The following ARHGEF10L variants were observed in gnomAD, a reference collection of about 807,000 sequenced individuals.
ARHGEF10L encodes Rho guanine nucleotide exchange factor 10 like.
ARHGEF10L carries 69 observed loss-of-function variants against 141.2 expected under a neutral mutation model. The ratio of observed to expected loss-of-function variants is 0.49; its 90% CI spans 0.40 to 0.60. The LOEUF (loss-of-function observed/expected upper bound fraction) is 0.60. ARHGEF10L is among the 20% of genes least tolerant of loss of function. ARHGEF10L has a pLI of 0.00. For missense variants in ARHGEF10L, 1,482 were observed against 1,734.3 expected (o/e 0.85, Z 2.58); for synonymous variants, 711 against 718.5 (o/e 0.99, Z 0.17).
intron 2 of ARHGEF10L, among the ~76,000 whole-genome samples, chr1:17,580,957 G>A (rs12146120): frequency 1.6e-4 from 25 of 152,218 alleles, no homozygotes; most frequent in African/African-American, 4.8e-4. Context: ...AGAGGGTTGC[G>A]CCATAGGGTC....
At chr1:17,574,937 C>T (rs2078161124) in intron 1 of ARHGEF10L, among the ~76,000 whole-genome samples, 2 of 152,234 alleles carry the variant, frequency 1.3e-5, no homozygotes, top group Admixed American at 1.3e-4. Context: ...AGGGCTTGTA[C>T]CTCACCTTCC....
rs2061191181 is a variant in ARHGEF10L at position 17,639,250 on chromosome 1, AG to A, written c.2171+563del. On this transcript the variant is annotated intron_variant, in intron 20 of 28. Coordinates refer to ENST00000361221, the MANE Select transcript of ARHGEF10L (RefSeq NM_018125.4). The surrounding 1 kb of genome is among the most constrained non-coding windows in gnomAD (Gnocchi z 4.3). Reference sequence around the variant, plus strand: ...TTCCATTTTACAGATGAGGAAGGTGAGGCTCAGAGTTTCAGGAGAGGCTGAA... The same window carrying A: ...TTCCATTTTACAGATGAGGAAGGTGAGCTCAGAGTTTCAGGAGAGGCTGAA... Among the ~76,000 whole-genome samples, 1 of 152,200 alleles carries A rather than the reference AG, an allele frequency of 6.6e-6. No individual in the cohort carries two copies. The highest frequency in any genetic ancestry group is 2.1e-4 in the South Asian group (1 of 4,830).
the ARHGEF10L span, among the ~76,000 whole-genome samples, chr1:17,518,354 C>T: frequency 1.3e-4 from 20 of 152,266 alleles, no homozygotes; most frequent in South Asian, 3.9e-3. Flanking sequence ...CTTTGAGACC[C>T]CATCCTCGGT....
chr1:17,654,864 C>T lies in ARHGEF10L; in HGVS notation c.2481+142C>T. On this transcript the variant is annotated intron_variant, in intron 23 of 28. Coordinates refer to ENST00000361221, the MANE Select transcript of ARHGEF10L (RefSeq NM_018125.4). This position sits in a 1 kb window ranked among gnomAD's most constrained non-coding sequence, Gnocchi z 4.3. ...TCCACCAAGGTCTTCCTGGGCACCTCTGGTGCCAGGCACTGCATTTGGAGT... is the reference window on the plus strand; with the variant it reads ...TCCACCAAGGTCTTCCTGGGCACCTTTGGTGCCAGGCACTGCATTTGGAGT... The T allele has an allele frequency of 1.3e-6, 1 of 791,586 alleles. No homozygotes were observed. Among genetic ancestry groups the T allele is most frequent in the South Asian group, 1.5e-5 (1 of 67,020 alleles). 49.0% of individuals were successfully genotyped at this position (791,586 alleles called of 1,614,324 possible). A position where few individuals can be genotyped will look rare whatever the true frequency, so the allele number is the denominator to read the frequency against.
the ARHGEF10L span, among the ~76,000 whole-genome samples, chr1:17,527,424 G>A: frequency 7.9e-5 from 12 of 152,144 alleles, no homozygotes; most frequent in African/African-American, 2.7e-4. Context: ...GATTGACTCC[G>A]ACCAGAACTT....
intron 10 of ARHGEF10L, among the ~76,000 whole-genome samples, chr1:17,620,034 C>CA (rs1168163365): frequency 2.6e-5 from 4 of 151,850 alleles, no homozygotes; most frequent in Middle Eastern, 3.2e-3. Context: ...ACTAAAAATA[C>CA]AAAAAACAAA....
intron 4 of ARHGEF10L, among the ~76,000 whole-genome samples, chr1:17,596,731 G>T (rs758809194): frequency 1.6e-4 from 25 of 152,250 alleles, no homozygotes; most frequent in Middle Eastern, 6.8e-3. Flanking sequence ...CTCTGGAGTG[G>T]GGCTTCTTAT....
At chr1:17,593,683 C>A (rs1373979625) in intron 4 of ARHGEF10L, among the ~76,000 whole-genome samples, 1 of 152,148 alleles carries the variant, frequency 6.6e-6, no homozygotes, top group African/African-American at 2.4e-5. Context: ...CCTGCCGAAA[C>A]CTCGCTTTTA....
chr1:17,614,732 C>T (rs111429368), intron 8 of ARHGEF10L, among the ~76,000 whole-genome samples: 5,679 of 152,236 alleles, frequency 0.037, 376 homozygotes, highest in African/African-American at 0.13. Context: ...AGGATTGTCC[C>T]GTAGAAATGC....
intron 25 of ARHGEF10L, 40 bp from the exon 26 acceptor site, chr1:17,664,407 C>G (rs112137144): frequency 6.3e-7 from 1 of 1,586,160 alleles, no homozygotes; most frequent in South Asian, 1.1e-5. Context: ...ACCTGCTTGC[C>G]GCTCCTGGCC....
intron 7 of ARHGEF10L, among the ~76,000 whole-genome samples, chr1:17,609,327 C>T (rs1242882616): frequency 6.6e-6 from 1 of 152,222 alleles, no homozygotes; most frequent in East Asian, 1.9e-4. Context: ...GAGCAGGTCT[C>T]TCTCAGCCTG....
At chr1:17,582,688 C>T (rs1204192870) in intron 2 of ARHGEF10L, among the ~76,000 whole-genome samples, 1 of 152,188 alleles carries the variant, frequency 6.6e-6, no homozygotes, top group Non-Finnish European at 1.5e-5. Context: ...TCCTCGGAGC[C>T]CTTCCTGAAG....
At chr1:17,585,262 G>C (rs2078928728) in intron 2 of ARHGEF10L, among the ~76,000 whole-genome samples, 1 of 152,190 alleles carries the variant, frequency 6.6e-6, no homozygotes, top group Non-Finnish European at 1.5e-5. Context: ...TAGTAGAAGA[G>C]TATGGAGGGT....
At chr1:17,600,862 C>T (rs979050160) in intron 4 of ARHGEF10L, among the ~76,000 whole-genome samples, 2 of 151,920 alleles carry the variant, frequency 1.3e-5, no homozygotes, top group Non-Finnish European at 2.9e-5. Flanking sequence ...CCAACCTGGC[C>T]AACATGGTGA....
intron 2 of ARHGEF10L, among the ~76,000 whole-genome samples, chr1:17,585,212 A>G (rs2078923374): frequency 6.6e-6 from 1 of 152,240 alleles, no homozygotes; most frequent in Non-Finnish European, 1.5e-5. Flanking sequence ...GCTCCCACCC[A>G]AGCCCTTTCT....
intron 6 of ARHGEF10L, among the ~76,000 whole-genome samples, chr1:17,605,907 T>C (rs1390877509): frequency 6.6e-6 from 1 of 152,204 alleles, no homozygotes; most frequent in Non-Finnish European, 1.5e-5. Context: ...CATTAGTTAC[T>C]ATTATCTTTT....
In ARHGEF10L at chr1:17,627,354, G is replaced by C; in HGVS notation, c.1435G>C (p.Gly479Arg). 1.2e-6 allele frequency: 2 copies of C among 1,614,070 alleles called. No homozygotes were observed. The highest frequency in any genetic ancestry group is 1.7e-6 in the Non-Finnish European group (2 of 1,180,008). The change falls in exon 15 of 29, where the codon GGC becomes CGC. Residue 479 changes from glycine to arginine, a missense_variant. Gly to Arg is a moderately radical substitution (Grantham distance 125). Coordinates refer to ENST00000361221, the MANE Select transcript of ARHGEF10L (RefSeq NM_018125.4). This position sits in a 1 kb window ranked among gnomAD's most constrained non-coding sequence, Gnocchi z 4.0. ...GGACATGCTGAAGAACACCCCCAGG[G>C]GCCATCCGGACAGGCTGTCGCTGCA... is the stretch of plus-strand genomic sequence containing the variant. ...LQDMLKNTPR[G>R]HPDRLSLQLA...
chr1:17,696,238 A>G (rs2065490207), intron 28 of ARHGEF10L, among the ~76,000 whole-genome samples: 2 of 149,030 alleles, frequency 1.3e-5, no homozygotes, highest in African/African-American at 2.5e-5. Flanking sequence ...AGTTGCTTCT[A>G]AATTCTGAGA....
the ARHGEF10L span, among the ~76,000 whole-genome samples, chr1:17,522,471 C>T: frequency 6.6e-6 from 1 of 151,916 alleles, no homozygotes; most frequent in Non-Finnish European, 1.5e-5. Flanking sequence ...GAGTCAGATC[C>T]TGCCTCCCCA....
Sources: allele counts gnomAD v4.1 joint callset (sites outside exome capture counted in the v4.1 genomes callset), GRCh38; gene constraint gnomAD v4.1.1; non-coding constraint Gnocchi (gnomAD v3.1); transcripts MANE v1.5; gene names NCBI Gene and HGNC (gene_info 2026-07-23, HGNC 2026-07-21).